Variants in POLR3G observed in about 807,000 individuals in gnomAD.
POLR3G encodes DNA-directed RNA polymerase III subunit RPC7.
Under a neutral mutation model 30.1 loss-of-function variants are expected in POLR3G, and 28 were observed. That is an observed-to-expected ratio of 0.93 (90% CI 0.69 to 1.27). POLR3G has a LOEUF of 1.27. Among genes scored for constraint, POLR3G ranks in the 50% most tolerant of loss-of-function variants. POLR3G has a pLI of 0.00. For synonymous variants in POLR3G, 79 were observed against 82.5 expected (o/e 0.96, Z 0.23); for missense variants, 254 against 264.6 (o/e 0.96, Z 0.28).
intron 6 of POLR3G, among the ~76,000 whole-genome samples, chr5:90,503,274 C>A (rs1373400657): frequency 6.6e-6 from 1 of 152,154 alleles, no homozygotes; most frequent in Non-Finnish European, 1.5e-5. Flanking sequence ...ACTTGCCTGG[C>A]CAAGTTGGCA....
chr5:90,479,219 C>T (rs1294839436), intron 1 of POLR3G, among the ~76,000 whole-genome samples: 1 of 152,124 alleles, frequency 6.6e-6, no homozygotes, highest in Non-Finnish European at 1.5e-5. Flanking sequence ...TGCCTGTAAT[C>T]CCAGCACTTT....
At chr5:90,488,583 G>A (rs544630340) in intron 3 of POLR3G, among the ~76,000 whole-genome samples, 50 of 152,046 alleles carry the variant, frequency 3.3e-4, no homozygotes, top group African/African-American at 1.1e-3. Context: ...ATGACTGGTA[G>A]TCTACTCTGT....
At chr5:90,495,868 A>G in intron 4 of POLR3G, 135 bp downstream of exon 4, 1 of 1,187,020 alleles carries the variant, frequency 8.4e-7, no homozygotes, top group Non-Finnish European at 1.1e-6. Context: ...ATTAATTAGT[A>G]ATCTGTTAGA....
chr5:90,477,609 A>G (rs954772143), intron 1 of POLR3G, among the ~76,000 whole-genome samples: 1 of 152,176 alleles, frequency 6.6e-6, no homozygotes, highest in East Asian at 1.9e-4. Flanking sequence ...CATCAGGAAT[A>G]ATACCGTGAC....
chr5:90,485,428 A>C (rs1400128227), intron 1 of POLR3G, 97 bp from the exon 2 acceptor site: 2 of 646,332 alleles, frequency 3.1e-6, no homozygotes, highest in Admixed American at 5.2e-5. Flanking sequence ...AAGTATTTTA[A>C]GTCAACTGTG....
chr5:90,504,692 A>G (rs1752407505), intron 6 of POLR3G, among the ~76,000 whole-genome samples: 1 of 152,190 alleles, frequency 6.6e-6, no homozygotes. Context: ...TGGCACTACA[A>G]TTTCCTATTA....
chr5:90,477,648 A>G (rs996756321), intron 1 of POLR3G, among the ~76,000 whole-genome samples: 31 of 152,176 alleles, frequency 2.0e-4, no homozygotes, highest in Non-Finnish European at 1.3e-4. Context: ...TCTAGCTTCT[A>G]TGTCTGCTTC....
At chr5:90,482,798 T>C (rs1284402486) in intron 1 of POLR3G, among the ~76,000 whole-genome samples, 1 of 152,122 alleles carries the variant, frequency 6.6e-6, no homozygotes, top group Non-Finnish European at 1.5e-5. Flanking sequence ...AGCCAACCTA[T>C]CTGCGCTTCC....
In POLR3G at chr5:90,506,429, A is replaced by G. The variant is rs1752487424; in HGVS notation, c.439-99A>G. 23 of 1,427,090 alleles carry G rather than the reference A, an allele frequency of 1.6e-5. No individual in the cohort carries two copies. The South Asian group carries it at 2.9e-4, about 18-fold the overall frequency. 88.4% of individuals were successfully genotyped at this position (1,427,090 alleles called of 1,614,324 possible). ...AGCCAGGAGGTGGTGGTAAGATGGG[A>G]GTAGAATAAGGTGATAGATAACTGT... On this transcript the variant is annotated intron_variant, in intron 6 of 7. Coordinates refer to ENST00000651687, the MANE Select transcript of POLR3G (RefSeq NM_006467.3).
intron 1 of POLR3G, among the ~76,000 whole-genome samples, chr5:90,476,895 C>A (rs914679458): frequency 3.3e-5 from 5 of 152,136 alleles, no homozygotes; most frequent in Non-Finnish European, 7.4e-5. Context: ...TTTTTCTTAT[C>A]ATTTCCTGAC....
intron 3 of POLR3G, among the ~76,000 whole-genome samples, chr5:90,489,113 CA>C (rs1037943868): frequency 1.3e-5 from 2 of 151,742 alleles, no homozygotes; most frequent in African/African-American, 2.4e-5. Flanking sequence ...TTGGCTGAGT[CA>C]AAAAAGGAAG....
intron 2 of POLR3G, among the ~76,000 whole-genome samples, chr5:90,486,518 C>G (rs1751447262): frequency 6.6e-6 from 1 of 152,206 alleles, no homozygotes; most frequent in Admixed American, 6.5e-5. Context: ...GACCCTTTTT[C>G]TACCACTGTC....
intron 4 of POLR3G, among the ~76,000 whole-genome samples, chr5:90,497,223 G>T (rs3805480): frequency 0.37 from 56,680 of 151,576 alleles, 12,163 homozygotes; most frequent in African/African-American, 0.59. Flanking sequence ...ATTTCATTTT[G>T]CATGTTTTGG....
intron 7 of POLR3G, among the ~76,000 whole-genome samples, 189 bp downstream of exon 7, chr5:90,506,863 T>C (rs778374090): frequency 1.3e-5 from 2 of 152,214 alleles, no homozygotes; most frequent in African/African-American, 2.4e-5. Flanking sequence ...TATTATAGCA[T>C]TGAAATTATA....
intron 3 of POLR3G, 37 bp downstream of exon 3, chr5:90,488,166 T>C (rs1011498964): frequency 6.0e-6 from 9 of 1,496,346 alleles, no homozygotes; most frequent in Non-Finnish European, 8.0e-6. Flanking sequence ...TGGCTTAATG[T>C]ATACAGATGA....
At chr5:90,508,277 A>C in intron 7 of POLR3G, among the ~76,000 whole-genome samples, 1 of 151,928 alleles carries the variant, frequency 6.6e-6, no homozygotes, top group East Asian at 1.9e-4. Context: ...AGGAAACTCT[A>C]TTAAATTTCA....
rs202016341 is a variant in POLR3G, at chr5:90,506,431, T to C, written c.439-97T>C. On this transcript the variant is annotated intron_variant, in intron 6 of 7. Transcript: ENST00000651687. The stretch of plus-strand genomic sequence containing the variant: ...CCAGGAGGTGGTGGTAAGATGGGAG[T>C]AGAATAAGGTGATAGATAACTGTTC... The C allele has an allele frequency of 3.2e-4, 454 of 1,425,688 alleles. 3 individuals carry two copies. Among genetic ancestry groups the C allele is most frequent in the Middle Eastern group, 2.6e-3 (13 of 5,082 alleles). 88.3% of individuals were successfully genotyped at this position (1,425,688 alleles called of 1,614,324 possible).
rs538820233 is a variant in POLR3G at position 90,481,343 on chromosome 5, A to AG, written c.-43-4182_-43-4181insG. On this transcript the variant is annotated intron_variant, in intron 1 of 7. Coordinates refer to ENST00000651687, the MANE Select transcript of POLR3G (RefSeq NM_006467.3). ...CAGTATTCTTGAAAAAAAAAAAAAA[A>AG]TCAAACCCAAATCTAAACCTCTAGT... 4.7e-3 allele frequency among the ~76,000 whole-genome samples: 711 copies of AG among 152,064 alleles called. 4 individuals carry two copies. The highest frequency in any genetic ancestry group is 0.016 in the African/African-American group (676 of 41,484).
intron 1 of POLR3G, among the ~76,000 whole-genome samples, chr5:90,478,759 GCAGATCACGAGGTCAAGAGAT>G (rs1750975206): frequency 6.6e-6 from 1 of 151,304 alleles, no homozygotes; most frequent in South Asian, 2.1e-4. Flanking sequence ...GCCGAGGAGG[GCAGATCACGAGGTCAAGAGAT>G]CAAGACCATC....
Sources: gnomAD v4.1 joint callset for allele counts (sites outside exome capture counted in the v4.1 genomes callset) on GRCh38, gnomAD v4.1.1 for gene constraint, MANE v1.5 for transcripts, NCBI Gene and HGNC (gene_info 2026-07-23, HGNC 2026-07-21) for gene names.